TRPC6: variants seen among roughly 807,000 people sequenced by gnomAD.
TRPC6 encodes the protein short transient receptor potential channel 6.
Under a neutral mutation model 90.7 loss-of-function variants are expected in TRPC6, and 55 were observed. The ratio of observed to expected loss-of-function variants is 0.61; its 90% confidence interval spans 0.49 to 0.76. The LOEUF (loss-of-function observed/expected upper bound fraction) is 0.76. Among genes scored for constraint, TRPC6 ranks in the 30% least tolerant of loss-of-function variants. The pLI, the probability that TRPC6 is intolerant of heterozygous loss-of-function variation, is 0.00. For synonymous variants in TRPC6, 393 were observed against 393.0 expected (o/e 1.00, Z 0.00); for missense variants, 989 against 1,122.7 (o/e 0.88, Z 1.70).
intron 1 of TRPC6, among the ~76,000 whole-genome samples, chr11:101,555,532 T>C (rs1216604223): frequency 6.6e-6 from 1 of 152,192 alleles, no homozygotes; most frequent in Non-Finnish European, 1.5e-5. Flanking sequence ...TGAATACCCC[T>C]GAGCATGCAG....
intron 1 of TRPC6, among the ~76,000 whole-genome samples, chr11:101,538,334 G>C (rs1176965580): frequency 6.6e-6 from 1 of 151,902 alleles, no homozygotes; most frequent in East Asian, 1.9e-4. Context: ...TAGTTTCTTT[G>C]AATTTTTAGG....
At chr11:101,528,177 T>C (rs935306621) in intron 1 of TRPC6, among the ~76,000 whole-genome samples, 1 of 152,220 alleles carries the variant, frequency 6.6e-6, no homozygotes, top group African/African-American at 2.4e-5. Flanking sequence ...TAAATTTACA[T>C]ATTCTTTACT....
In TRPC6 at chr11:101,519,645, T is replaced by C. The variant is rs536819749; in HGVS notation, c.171-14847A>G. On this transcript the variant is annotated intron_variant, in intron 1 of 12. Transcript: ENST00000344327. ...AATCATGGTGGTGTCCTGGGCTTCT[T>C]TCTTTCGTACTCCAAAACCATTTAA... 2.6e-5 allele frequency among the ~76,000 whole-genome samples: 4 copies of C among 152,178 alleles called. No individual in the cohort carries two copies. The East Asian group carries it at 7.8e-4, about 30-fold the overall frequency.
In TRPC6 at chr11:101,568,529, C is replaced by T. The variant is rs185613070; in HGVS notation, c.170+14805G>A. Among the ~76,000 whole-genome samples the T allele has an allele frequency of 5.3e-3, 807 of 152,206 alleles. 4 individuals carry two copies. Among genetic ancestry groups the T allele is most frequent in the Non-Finnish European group, 9.8e-3 (668 of 68,012 alleles). Reference sequence around the variant, plus strand: ...TACAGAGAATACCACAAAGGTATTCCTCAAGAATAGCAACACCAAGACACA... The same window carrying T: ...TACAGAGAATACCACAAAGGTATTCTTCAAGAATAGCAACACCAAGACACA... On this transcript the variant is annotated intron_variant, in intron 1 of 12. Transcript: ENST00000344327.
chr11:101,528,780 G>A (rs917603588), intron 1 of TRPC6, among the ~76,000 whole-genome samples: 3 of 152,142 alleles, frequency 2.0e-5, no homozygotes, highest in Admixed American at 1.3e-4. Context: ...TGGGCCAAAT[G>A]GAATTTCAAC....
At chr11:101,470,897 C>T (rs1465998240) in intron 9 of TRPC6, among the ~76,000 whole-genome samples, 6 of 145,230 alleles carry the variant, frequency 4.1e-5, no homozygotes, top group Non-Finnish European at 8.9e-5. Flanking sequence ...GTAGCCATAA[C>T]AGCAAAAAAG....
chr11:101,476,850 C>T (rs1382757996), intron 5 of TRPC6, among the ~76,000 whole-genome samples: 1 of 152,156 alleles, frequency 6.6e-6, no homozygotes, highest in Non-Finnish European at 1.5e-5. Context: ...AACCCAAACA[C>T]ACCCACACAC....
At chr11:101,582,158 A>G (rs1187815752) in intron 1 of TRPC6, among the ~76,000 whole-genome samples, 1 of 152,274 alleles carries the variant, frequency 6.6e-6, no homozygotes, top group Non-Finnish European at 1.5e-5. Flanking sequence ...TGCACAGCAC[A>G]CAGATGAATG....
At chr11:101,470,086 T>G (rs1352328394) in intron 9 of TRPC6, among the ~76,000 whole-genome samples, 1 of 152,148 alleles carries the variant, frequency 6.6e-6, no homozygotes, top group African/African-American at 2.4e-5. Context: ...TTTGGCCCAA[T>G]TGCCCACTCA....
chr11:101,453,242 T>A (rs1858804640), intron 12 of TRPC6, 136 bp from the exon 13 acceptor site: 1 of 892,144 alleles, frequency 1.1e-6, no homozygotes, highest in Admixed American at 2.3e-5. Flanking sequence ...AATAACTTCC[T>A]AATTGAGCAG....
At chr11:101,556,202 C>A (rs895797124) in intron 1 of TRPC6, among the ~76,000 whole-genome samples, 8 of 151,422 alleles carry the variant, frequency 5.3e-5, no homozygotes, top group Admixed American at 4.6e-4. Context: ...CAGAAGGGAG[C>A]AAATAATAAA....
rs777864888 is a variant in TRPC6 at position 101,476,417 on chromosome 11, G to T, written c.1628C>A (p.Ala543Glu). 35 of 1,614,004 alleles carry T rather than the reference G, an allele frequency of 2.2e-5. No homozygotes were observed. Among genetic ancestry groups the T allele is most frequent in the Non-Finnish European group, 2.6e-5 (31 of 1,179,968 alleles). Residue 543 changes from alanine (A) to glutamate (E), a missense_variant, in exon 6 of 13, where the codon GCG becomes GAG. Physicochemically the swap from Ala to Glu is moderately radical, Grantham distance 107 (BLOSUM62 -1). This residue lies in a region of TRPC6 where 486 missense variants were observed against 591.9 expected (regional missense o/e 0.82). Transcript: ENST00000344327. ...MLAIFAASFIARFMAFWHASK... is the reference protein window; with the variant it reads ...MLAIFAASFIERFMAFWHASK... Reference sequence around the variant, plus strand: ...AGCATGCCAAAATGCCATGAATCTCGCAATGAATGATGCTGCGAAAATTGC... The same window carrying T: ...AGCATGCCAAAATGCCATGAATCTCTCAATGAATGATGCTGCGAAAATTGC...
chr11:101,490,379 T>C (rs1213360546), intron 3 of TRPC6, among the ~76,000 whole-genome samples: 1 of 152,210 alleles, frequency 6.6e-6, no homozygotes, highest in East Asian at 1.9e-4. Flanking sequence ...GACATGTTTA[T>C]ACTATTTGAA....
At chr11:101,469,364 CCTTT>C (rs1412986314) in intron 10 of TRPC6, 59 bp downstream of exon 10, 1 of 722,686 alleles carries the variant, frequency 1.4e-6, no homozygotes, top group South Asian at 1.5e-5. Context: ...AACATCTGTC[CCTTT>C]CTTTGAAAAG....
At chr11:101,505,291 T>C (rs7935702) in intron 1 of TRPC6, among the ~76,000 whole-genome samples, 69,808 of 152,040 alleles carry the variant, frequency 0.46, 16,375 homozygotes, top group African/African-American at 0.55. Context: ...AAAAAACAAA[T>C]AGATGCTTTT....
At chr11:101,490,871 C>T (rs914574863) in intron 3 of TRPC6, among the ~76,000 whole-genome samples, 40 of 151,994 alleles carry the variant, frequency 2.6e-4, no homozygotes, top group African/African-American at 8.9e-4. Flanking sequence ...AATTCTAATG[C>T]GGTAAAGAAG....
At chr11:101,512,631 T>C (rs1565224891) in intron 1 of TRPC6, among the ~76,000 whole-genome samples, 2 of 152,166 alleles carry the variant, frequency 1.3e-5, no homozygotes, top group Non-Finnish European at 2.9e-5. Context: ...TGAGAATAAT[T>C]AAGGACAAGT....
At chr11:101,581,997 G>A (rs1862207465) in intron 1 of TRPC6, among the ~76,000 whole-genome samples, 1 of 152,116 alleles carries the variant, frequency 6.6e-6, no homozygotes, top group African/African-American at 2.4e-5. Flanking sequence ...AAATTGTCCT[G>A]GAATTAGATA....
rs1230169486 is a variant in TRPC6, at chr11:101,452,458, G to GTGTT, written c.*493_*496dup. ...CATTGAGGGATAAGTAGGGTAAATG[G>GTGTT]TGTTTAAACAGCATTCTAAAGAAAG... On this transcript the variant is annotated 3_prime_UTR_variant, in exon 13 of 13. Coordinates refer to ENST00000344327, the MANE Select transcript of TRPC6 (RefSeq NM_004621.6). The GTGTT allele has an allele frequency of 6.1e-6, 1 of 163,386 alleles. No homozygotes were observed. Among genetic ancestry groups the GTGTT allele is most frequent in the Non-Finnish European group, 1.4e-5 (1 of 74,028 alleles). The allele number at this position is 163,386 out of a possible 1,614,324, so 10.1% of individuals were successfully genotyped here.
Sources: allele counts gnomAD v4.1 joint callset (sites outside exome capture counted in the v4.1 genomes callset), GRCh38; gene constraint gnomAD v4.1.1; regional missense constraint gnomAD v4.1.1; transcripts MANE v1.5; gene names NCBI Gene and HGNC (gene_info 2026-07-23, HGNC 2026-07-21).